The following ASIP variants were observed in gnomAD, a reference collection of about 807,000 sequenced individuals.
ASIP encodes agouti signaling protein.
In ASIP, 11 loss-of-function variants were observed where a neutral mutation model predicts 10.3. That is an observed-to-expected ratio of 1.07 (90% CI 0.68 to 1.78). The LOEUF is 1.78. Among genes scored for constraint, ASIP ranks in the 40% most tolerant of loss-of-function variants. The pLI is 0.00. For synonymous variants in ASIP, 70 were observed against 70.8 expected, an observed-to-expected ratio of 0.99 and a Z score of 0.06; for missense variants, 180 against 169.2, an observed-to-expected ratio of 1.06 and a Z score of -0.35.
chr20:34,242,146 TAA>T (rs1002317603), intron 1 of ASIP, among the ~76,000 whole-genome samples: 24 of 152,250 alleles, frequency 1.6e-4, no homozygotes, highest in Admixed American at 1.4e-3. Context: ...TTAAAGAGGC[TAA>T]ATGGGATGGC....
At chr20:34,245,896 C>T (rs2035367147) in intron 1 of ASIP, 4 of 1,387,242 alleles carry the variant, frequency 2.9e-6, no homozygotes, top group Non-Finnish European at 3.9e-6. Context: ...AGGCCTCTCT[C>T]CCTTTGGCCA....
At chr20:34,188,828 G>A in the ASIP span, among the ~76,000 whole-genome samples, 12 of 152,096 alleles carry the variant, frequency 7.9e-5, no homozygotes, top group East Asian at 2.1e-3. Flanking sequence ...TCCCCCACCC[G>A]GAGCCCAAAC....
intron 1 of ASIP, chr20:34,213,527 C>G: frequency 6.6e-7 from 1 of 1,503,904 alleles, no homozygotes; most frequent in Non-Finnish European, 9.0e-7. Context: ...TTTTCTTCTG[C>G]GGGCCAGAGT....
intron 1 of ASIP, chr20:34,214,035 T>C: frequency 7.2e-7 from 1 of 1,394,126 alleles, no homozygotes; most frequent in Non-Finnish European, 1.0e-6. Flanking sequence ...CTTTCCTTTC[T>C]GCCGGGTATT....
At chr20:34,243,643 G>A (rs1184442601) in intron 1 of ASIP, among the ~76,000 whole-genome samples, 6 of 151,260 alleles carry the variant, frequency 4.0e-5, no homozygotes, top group African/African-American at 9.7e-5. Context: ...AGATAGTCTC[G>A]ATGGATAAAT....
chr20:34,224,803 G>A (rs2035081382), intron 1 of ASIP, among the ~76,000 whole-genome samples: 1 of 151,570 alleles, frequency 6.6e-6, no homozygotes, highest in Non-Finnish European at 1.5e-5. Context: ...TGGGAAAAAA[G>A]CAAGGTCTAA....
At chr20:34,259,608 T>G (rs968340995) in intron 1 of ASIP, among the ~76,000 whole-genome samples, 4 of 151,982 alleles carry the variant, frequency 2.6e-5, no homozygotes, top group Non-Finnish European at 2.9e-5. Flanking sequence ...TAGCCTGGCA[T>G]AGTGATGGGC....
chr20:34,187,327 T>C, the ASIP span, among the ~76,000 whole-genome samples: 1 of 152,232 alleles, frequency 6.6e-6, no homozygotes, highest in African/African-American at 2.4e-5. Context: ...AATTCTGAAA[T>C]CTTTGCCTTA....
intron 1 of ASIP, among the ~76,000 whole-genome samples, chr20:34,207,002 C>A (rs1211664739): frequency 1.3e-5 from 2 of 152,160 alleles, no homozygotes; most frequent in East Asian, 3.8e-4. Flanking sequence ...GAATTCCTTT[C>A]TTTTGGAAAT....
chr20:34,214,981 A>G (rs1300915707), intron 1 of ASIP: 10 of 1,396,820 alleles, frequency 7.2e-6, no homozygotes, highest in Admixed American at 1.7e-5. Flanking sequence ...CATTCCGTTT[A>G]CCGGCTTAGA....
chr20:34,238,387 A>G (rs2035238855), upstream of ASIP, among the ~76,000 whole-genome samples: 1 of 152,112 alleles, frequency 6.6e-6, no homozygotes, highest in African/African-American at 2.4e-5. Context: ...TCATGGTTCT[A>G]TCTTCAAGTT....
chr20:34,241,531 G>A, intron 1 of ASIP, 42 bp downstream of exon 1: 1 of 985,370 alleles, frequency 1.0e-6, no homozygotes, highest in Non-Finnish European at 1.2e-6. Flanking sequence ...CAGGAGTGAA[G>A]CTGCTGCTAC....
intron 1 of ASIP, chr20:34,246,359 A>G (rs1417041676): frequency 8.7e-6 from 13 of 1,499,266 alleles, no homozygotes; most frequent in African/African-American, 7.0e-5. Flanking sequence ...AAGTTCATTT[A>G]GAAAATTCTT....
At chr20:34,218,303 G>A (rs1019569291) in intron 1 of ASIP, among the ~76,000 whole-genome samples, 6 of 152,182 alleles carry the variant, frequency 3.9e-5, no homozygotes, top group Non-Finnish European at 8.8e-5. Flanking sequence ...AGATTGGAAT[G>A]ACAGAGCCCA....
At chr20:34,188,910 A>T in the ASIP span, among the ~76,000 whole-genome samples, 349 of 152,288 alleles carry the variant, frequency 2.3e-3, 2 homozygotes, top group African/African-American at 7.7e-3. Flanking sequence ...ATAATGACCA[A>T]TAATATAATA....
intron 1 of ASIP, among the ~76,000 whole-genome samples, chr20:34,212,967 G>A (rs1268077156): frequency 6.6e-6 from 1 of 152,170 alleles, no homozygotes; most frequent in African/African-American, 2.4e-5. Context: ...GGACTTACCA[G>A]TCAGCACTTG....
intron 3 of ASIP, 79 bp from the exon 4 acceptor site, chr20:34,268,912 C>G: frequency 2.6e-6 from 4 of 1,525,082 alleles, no homozygotes; most frequent in Non-Finnish European, 3.6e-6. Context: ...TCTCCCTAGC[C>G]CGAGGAGCTC....
chr20:34,257,070 C>CTTTTTTTTTTTTTTTT (rs56227909), intron 1 of ASIP, among the ~76,000 whole-genome samples: 164 of 139,268 alleles, frequency 1.2e-3, no homozygotes, highest in African/African-American at 2.8e-3. Context: ...CTTTCTTTCT[C>CTTTTTTTTTTTTTTTT]TTTTTTTTTT....
chr20:34,223,592 G>A (rs1210662238), intron 1 of ASIP, among the ~76,000 whole-genome samples: 24 of 136,994 alleles, frequency 1.8e-4, no homozygotes, highest in Admixed American at 1.4e-3. Flanking sequence ...CCGGGAGGGA[G>A]GTGGGGGGGT....
Sources: gnomAD v4.1 joint callset for allele counts (sites outside exome capture counted in the v4.1 genomes callset) on GRCh38, gnomAD v4.1.1 for gene constraint, MANE v1.5 for transcripts, NCBI Gene and HGNC (gene_info 2026-07-23, HGNC 2026-07-21) for gene names.